NALF1: variants seen among roughly 807,000 people sequenced by gnomAD.
NALF1 encodes family with sequence similarity 155 member A.
NALF1 carries 3 observed loss-of-function variants against 48.4 expected under a neutral mutation model. The observed-to-expected ratio is 0.06, with a 90% confidence interval of 0.03 to 0.16. The LOEUF (loss-of-function observed/expected upper bound fraction) is 0.16, where lower values mean the gene tolerates loss of function less well. NALF1 is among the 10% of genes least tolerant of loss of function. NALF1 has a pLI of 1.00. For synonymous variants in NALF1, 262 were observed against 245.7 expected (o/e 1.07, Z -0.62); for missense variants, 526 against 571.5 (o/e 0.92, Z 0.81).
chr13:107,295,726 T>C (rs1332682331), intron 1 of NALF1, among the ~76,000 whole-genome samples: 7 of 152,206 alleles, frequency 4.6e-5, no homozygotes, highest in African/African-American at 1.4e-4. Flanking sequence ...AGCATTGGAT[T>C]ACTTTGGTTT....
intron 1 of NALF1, among the ~76,000 whole-genome samples, chr13:107,598,900 T>G (rs2138423003): frequency 6.6e-6 from 1 of 152,314 alleles, no homozygotes; most frequent in South Asian, 2.1e-4. Flanking sequence ...CAAGCCAAAT[T>G]ACATTTGGGA....
chr13:107,367,349 T>A (rs1301362717), intron 1 of NALF1, among the ~76,000 whole-genome samples: 3 of 152,144 alleles, frequency 2.0e-5, no homozygotes, highest in Non-Finnish European at 4.4e-5. Context: ...TTACTGAGTA[T>A]GTGCAGGTTC....
intron 1 of NALF1, among the ~76,000 whole-genome samples, chr13:107,280,704 C>T (rs576372867): frequency 3.5e-4 from 53 of 152,096 alleles, no homozygotes; most frequent in Non-Finnish European, 7.3e-4. Flanking sequence ...TCCGAATTGC[C>T]ACCTTTAGGC....
chr13:107,188,663 C>T (rs1879224808), intron 2 of NALF1, among the ~76,000 whole-genome samples: 1 of 152,250 alleles, frequency 6.6e-6, no homozygotes, highest in East Asian at 1.9e-4. Context: ...TTATATTACT[C>T]TTCTTCCAGT....
chr13:107,267,782 T>C (rs1188694959), intron 1 of NALF1, among the ~76,000 whole-genome samples: 1 of 152,124 alleles, frequency 6.6e-6, no homozygotes, highest in Non-Finnish European at 1.5e-5. Flanking sequence ...AAGCACTACC[T>C]GAACACAAAG....
chr13:107,443,134 C>G (rs1594065680), intron 1 of NALF1, among the ~76,000 whole-genome samples: 1 of 152,056 alleles, frequency 6.6e-6, no homozygotes, highest in Non-Finnish European at 1.5e-5. Context: ...GTATCAGAAA[C>G]ATTACAACAT....
intron 1 of NALF1, among the ~76,000 whole-genome samples, chr13:107,494,281 A>C (rs1379247498): frequency 6.6e-6 from 1 of 152,182 alleles, no homozygotes; most frequent in Non-Finnish European, 1.5e-5. Context: ...CTAACACCAA[A>C]AGGCAGGTAG....
chr13:107,182,462 T>TG (rs1472199480), intron 2 of NALF1, among the ~76,000 whole-genome samples: 3 of 151,940 alleles, frequency 2.0e-5, no homozygotes, highest in Non-Finnish European at 4.4e-5. Flanking sequence ...TTTGTAGAAG[T>TG]GGGGTCTACG....
At chr13:107,856,884 G>C (rs816997) in intron 1 of NALF1, among the ~76,000 whole-genome samples, 22,317 of 152,106 alleles carry the variant, frequency 0.15, 2,922 homozygotes, top group African/African-American at 0.34. Flanking sequence ...TTGAGTTCCT[G>C]AGACAGCCCT....
chr13:107,831,167 A>T (rs1879713530), intron 1 of NALF1, among the ~76,000 whole-genome samples: 1 of 152,218 alleles, frequency 6.6e-6, no homozygotes, highest in Admixed American at 6.5e-5. Flanking sequence ...CCACATTTCA[A>T]GGTAAAAACC....
intron 1 of NALF1, among the ~76,000 whole-genome samples, chr13:107,356,814 A>T (rs1467460285): frequency 1.3e-5 from 2 of 152,236 alleles, no homozygotes; most frequent in Non-Finnish European, 2.9e-5. Context: ...CTGTTGTGGA[A>T]TCAACCAGGA....
At chr13:107,707,875 T>TC (rs1167563015) in intron 1 of NALF1, among the ~76,000 whole-genome samples, 1 of 152,166 alleles carries the variant, frequency 6.6e-6, no homozygotes, top group Non-Finnish European at 1.5e-5. Flanking sequence ...CTCTATATTT[T>TC]CTGTTTACTC....
At position 107,343,916 on chromosome 13, in the gene NALF1, T is replaced by C. The variant is rs189140817; in HGVS notation, c.916-133161A>G. On this transcript the variant is annotated intron_variant, in intron 1 of 2. Coordinates refer to ENST00000375915, the MANE Select transcript of NALF1 (RefSeq NM_001080396.3). ...AGAAGAAAAAAAATTAAACACAGAGTTTTTTTTTGAAAAGATTAACAAAAT... is the reference window on the plus strand; with the variant it reads ...AGAAGAAAAAAAATTAAACACAGAGCTTTTTTTTGAAAAGATTAACAAAAT... Among the ~76,000 whole-genome samples, 273 of 150,000 alleles carry C rather than the reference T, an allele frequency of 1.8e-3. 1 individual carries two copies. The highest frequency in any genetic ancestry group is 2.9e-3 in the Non-Finnish European group (194 of 67,382).
intron 1 of NALF1, among the ~76,000 whole-genome samples, chr13:107,467,389 T>C (rs1885022287): frequency 6.6e-6 from 1 of 152,194 alleles, no homozygotes; most frequent in Admixed American, 6.5e-5. Context: ...TTAACCTTAA[T>C]TTCATGGTTA....
chr13:107,771,769 G>C (rs866209473), intron 1 of NALF1, among the ~76,000 whole-genome samples: 1 of 151,974 alleles, frequency 6.6e-6, no homozygotes, highest in Non-Finnish European at 1.5e-5. Flanking sequence ...ACGGAGTCTC[G>C]CTCTATCGCC....
At chr13:107,430,450 T>C (rs921122313) in intron 1 of NALF1, among the ~76,000 whole-genome samples, 1 of 151,962 alleles carries the variant, frequency 6.6e-6, no homozygotes, top group Non-Finnish European at 1.5e-5. Flanking sequence ...CTCCCCCTGC[T>C]CCCTCCACTC....
intron 1 of NALF1, among the ~76,000 whole-genome samples, chr13:107,312,487 G>T (rs1882066618): frequency 6.6e-6 from 1 of 151,904 alleles, no homozygotes; most frequent in Non-Finnish European, 1.5e-5. Flanking sequence ...CGAGTTAATG[G>T]GTGCAGCACA....
chr13:107,615,361 T>C (rs894478916), intron 1 of NALF1, among the ~76,000 whole-genome samples: 1 of 152,174 alleles, frequency 6.6e-6, no homozygotes, highest in African/African-American at 2.4e-5. Context: ...TGCTCCCTTA[T>C]GGCTTGCTCT....
At chr13:107,676,293 A>G (rs944628823) in intron 1 of NALF1, among the ~76,000 whole-genome samples, 1 of 152,220 alleles carries the variant, frequency 6.6e-6, no homozygotes, top group African/African-American at 2.4e-5. Flanking sequence ...TCCGGTGCCT[A>G]AAGATGTCAA....
Sources: allele counts gnomAD v4.1 joint callset (sites outside exome capture counted in the v4.1 genomes callset), GRCh38; gene constraint gnomAD v4.1.1; transcripts MANE v1.5; gene names NCBI Gene and HGNC (gene_info 2026-07-23, HGNC 2026-07-21).